The following ANO4 variants were observed in gnomAD, a reference collection of about 807,000 sequenced individuals.
The protein encoded by ANO4 is anoctamin 4.
Under a neutral mutation model 141.9 loss-of-function variants are expected in ANO4, and 69 were observed. The ratio of observed to expected loss-of-function variants is 0.49; its 90% CI spans 0.40 to 0.59. ANO4 has a LOEUF of 0.59. ANO4 is among the 20% of genes least tolerant of loss of function. The probability of loss-of-function intolerance (pLI) is 0.00; values close to 1 mark genes in which losing one functional copy is unlikely to be tolerated. For synonymous variants in ANO4, 350 were observed against 394.3 expected (o/e 0.89, Z 1.33); for missense variants, 894 against 1,162.2 (o/e 0.77, Z 3.36).
intron 3 of ANO4, among the ~76,000 whole-genome samples, chr12:100,787,001 G>A (rs1486694785): frequency 1.3e-5 from 2 of 152,126 alleles, no homozygotes; most frequent in Admixed American, 1.3e-4. Context: ...CATCCCTGAG[G>A]AAACATATAG....
chr12:101,113,379 A>AGACAATGT (rs2050735425), intron 24 of ANO4, among the ~76,000 whole-genome samples: 1 of 152,250 alleles, frequency 6.6e-6, no homozygotes, highest in Non-Finnish European at 1.5e-5. Context: ...GGTAGATTTA[A>AGACAATGT]GACAATGTCC....
intron 1 of ANO4, among the ~76,000 whole-genome samples, chr12:100,851,816 C>A (rs945788062): frequency 6.6e-6 from 1 of 151,944 alleles, no homozygotes; most frequent in African/African-American, 2.4e-5. Flanking sequence ...GGGAGGGAGA[C>A]AAGCCAACGT....
intron 3 of ANO4, among the ~76,000 whole-genome samples, chr12:100,778,140 C>T (rs948030172): frequency 1.3e-5 from 2 of 152,166 alleles, no homozygotes; most frequent in Admixed American, 6.5e-5. Flanking sequence ...AGGATGGTCT[C>T]GATCTCCTGA....
intron 14 of ANO4, chr12:101,067,012 AAAAAAG>A: frequency 2.0e-5 from 12 of 587,084 alleles, no homozygotes; most frequent in African/African-American, 1.4e-4. Context: ...AAAAAAAAAA[AAAAAAG>A]AAAGAACAGA....
intron 5 of ANO4, among the ~76,000 whole-genome samples, chr12:100,970,259 A>T (rs758243894): frequency 3.3e-5 from 5 of 152,220 alleles, no homozygotes; most frequent in Non-Finnish European, 7.3e-5. Flanking sequence ...AGCCACAGTG[A>T]CCTTTGACAA....
intron 1 of ANO4, among the ~76,000 whole-genome samples, chr12:100,887,249 A>G (rs944351902): frequency 1.3e-5 from 2 of 152,218 alleles, no homozygotes; most frequent in African/African-American, 4.8e-5. Flanking sequence ...TTCCTAAGCC[A>G]TTTAAGCAGC....
chr12:101,009,697 G>A (rs1191893982), intron 8 of ANO4, among the ~76,000 whole-genome samples: 1 of 151,984 alleles, frequency 6.6e-6, no homozygotes, highest in Non-Finnish European at 1.5e-5. Flanking sequence ...TCTTGATGTG[G>A]TTCTATGTTT....
chr12:100,993,290 A>T (rs1038829433), intron 8 of ANO4, among the ~76,000 whole-genome samples: 7 of 152,222 alleles, frequency 4.6e-5, no homozygotes, highest in Admixed American at 1.3e-4. Context: ...ACAAGTCAAC[A>T]TACAAATGCT....
At chr12:100,987,783 C>A in intron 8 of ANO4, 113 bp downstream of exon 8, 1 of 1,422,210 alleles carries the variant, frequency 7.0e-7, no homozygotes, top group Non-Finnish European at 9.5e-7. Flanking sequence ...TAGTGCCCTT[C>A]TCCCCTAAAA....
chr12:101,078,821 A>G (rs1289150862), intron 14 of ANO4, among the ~76,000 whole-genome samples: 1 of 152,218 alleles, frequency 6.6e-6, no homozygotes, highest in Non-Finnish European at 1.5e-5. Flanking sequence ...TGTTTAGGCA[A>G]TAGAAAAAAT....
chr12:101,070,282 G>A (rs1336093362), intron 14 of ANO4, among the ~76,000 whole-genome samples: 2 of 152,070 alleles, frequency 1.3e-5, no homozygotes, highest in South Asian at 2.1e-4. Flanking sequence ...TAGATCTATA[G>A]TAACCAAAAA....
In ANO4 at chr12:100,898,140, T is replaced by G. The variant is rs540116889; in HGVS notation, c.-140-3506T>G. Among the ~76,000 whole-genome samples, 7 of 152,370 alleles carry G rather than the reference T, an allele frequency of 4.6e-5. No homozygotes were observed. In the East Asian group the frequency reaches 1.3e-3, roughly 29 times the overall value. ...AATTCTCAGGCTCTTATGGTTGTGA[T>G]GATACATTAATGGGATAATGATCAA... On this transcript the variant is annotated intron_variant, in intron 1 of 27. Transcript: ENST00000392977.
At position 100,971,344 on chromosome 12, in the gene ANO4, G is replaced by A; in HGVS notation, c.495G>A (p.Leu165=). The A allele has an allele frequency of 6.2e-7, 1 of 1,611,940 alleles. No homozygotes were observed. The highest frequency in any genetic ancestry group is 8.5e-7 in the Non-Finnish European group (1 of 1,178,418). The change falls in exon 6 of 28, where the codon TTG becomes TTA. Residue 165 remains leucine, a synonymous_variant. Coordinates refer to ENST00000392977, the MANE Select transcript of ANO4 (RefSeq NM_001286615.2). ...ATAGTGACATTATCTTTGTGAAGTT[G>A]CATGCCCCATGGGAAGTCCTTGGAA... The part of the protein sequence containing the change: ...LINSDIIFVK[L]HAPWEVLGRY...
intron 3 of ANO4, among the ~76,000 whole-genome samples, chr12:100,929,728 C>T (rs1336857212): frequency 2.6e-5 from 4 of 152,140 alleles, no homozygotes; most frequent in Non-Finnish European, 5.9e-5. Flanking sequence ...ACATTCCCAC[C>T]AGCAGTGTAT....
intron 9 of ANO4, among the ~76,000 whole-genome samples, chr12:101,029,367 A>G (rs1356424791): frequency 1.3e-5 from 2 of 152,238 alleles, no homozygotes; most frequent in African/African-American, 2.4e-5. Flanking sequence ...AAATGCCCCA[A>G]TTAAAAGACA....
At chr12:100,821,902 T>A (rs1443815481) in intron 1 of ANO4, among the ~76,000 whole-genome samples, 1 of 152,002 alleles carries the variant, frequency 6.6e-6, no homozygotes, top group Non-Finnish European at 1.5e-5. Flanking sequence ...AGGCATATTT[T>A]AAATTTTGAT....
intron 1 of ANO4, among the ~76,000 whole-genome samples, chr12:100,797,130 GTATATA>G (rs57640251): frequency 1.3e-5 from 2 of 149,212 alleles, no homozygotes; most frequent in African/African-American, 4.9e-5. Flanking sequence ...ATATGTGTGT[GTATATA>G]TATATATATA....
intron 1 of ANO4, among the ~76,000 whole-genome samples, chr12:100,834,399 A>G (rs1264014904): frequency 6.6e-6 from 1 of 152,106 alleles, no homozygotes; most frequent in African/African-American, 2.4e-5. Context: ...GAGAAACTGA[A>G]TTGCAGTGAC....
chr12:100,940,100 G>A (rs2042447102), intron 4 of ANO4, among the ~76,000 whole-genome samples: 1 of 151,830 alleles, frequency 6.6e-6, no homozygotes, highest in Non-Finnish European at 1.5e-5. Context: ...CTGCTAAAAG[G>A]ATGACACCTG....
Sources: allele counts gnomAD v4.1 joint callset (sites outside exome capture counted in the v4.1 genomes callset), GRCh38; gene constraint gnomAD v4.1.1; transcripts MANE v1.5; gene names NCBI Gene and HGNC (gene_info 2026-07-23, HGNC 2026-07-21).